Variants in DRC8 observed in about 807,000 individuals in gnomAD.
The protein encoded by DRC8 is dynein regulatory complex subunit 8.
At chr1:244,985,137 A>T in the DRC8 span, among the ~76,000 whole-genome samples, 1 of 146,110 alleles carries the variant, frequency 6.8e-6, no homozygotes, top group South Asian at 2.1e-4. Flanking sequence ...CGCATTCTAC[A>T]CTTCATTATA....
chr1:245,010,156 C>T, the DRC8 span, among the ~76,000 whole-genome samples: 1 of 152,186 alleles, frequency 6.6e-6, no homozygotes. Context: ...CCACCGCTCC[C>T]GACCTCTCAT....
the DRC8 span, among the ~76,000 whole-genome samples, chr1:245,094,337 C>A: frequency 3.3e-5 from 5 of 152,114 alleles, no homozygotes; most frequent in Non-Finnish European, 2.9e-5. Context: ...TTTTTAGGAA[C>A]TTTTTAAGCC....
chr1:244,999,889 G>A, the DRC8 span, among the ~76,000 whole-genome samples: 5 of 152,064 alleles, frequency 3.3e-5, no homozygotes, highest in Non-Finnish European at 5.9e-5. Context: ...TTGGATCTCC[G>A]CCCACTGCAA....
At chr1:245,056,469 A>G in the DRC8 span, among the ~76,000 whole-genome samples, 7,893 of 152,234 alleles carry the variant, frequency 0.052, 288 homozygotes, top group Non-Finnish European at 0.071. Context: ...TCTGTTGCTG[A>G]CACAGCACAG....
At chr1:245,118,506 A>G in the DRC8 span, among the ~76,000 whole-genome samples, 2 of 152,192 alleles carry the variant, frequency 1.3e-5, no homozygotes, top group Non-Finnish European at 2.9e-5. Context: ...AAACAATGAC[A>G]GTAAGCCGGG....
chr1:245,002,786 T>A, the DRC8 span, among the ~76,000 whole-genome samples: 1 of 151,772 alleles, frequency 6.6e-6, no homozygotes, highest in Admixed American at 6.6e-5. Context: ...TGAATTATTT[T>A]TAAGTAAGAG....
At chr1:245,108,650 T>C in the DRC8 span, among the ~76,000 whole-genome samples, 1 of 152,206 alleles carries the variant, frequency 6.6e-6, no homozygotes, top group Admixed American at 6.5e-5. Context: ...AATGTTGTGC[T>C]GGTCTCTCAT....
chr1:245,110,493 A>G, the DRC8 span, among the ~76,000 whole-genome samples: 5 of 152,276 alleles, frequency 3.3e-5, no homozygotes, highest in African/African-American at 1.2e-4. Flanking sequence ...CTTCTTAAAT[A>G]AGACAGGACC....
the DRC8 span, among the ~76,000 whole-genome samples, chr1:245,036,828 G>A: frequency 6.6e-6 from 1 of 152,180 alleles, no homozygotes; most frequent in Non-Finnish European, 1.5e-5. Flanking sequence ...GGAGGTAAGG[G>A]GAGGGAGGGA....
chr1:244,977,423 A>G, the DRC8 span, among the ~76,000 whole-genome samples: 1 of 152,184 alleles, frequency 6.6e-6, no homozygotes, highest in African/African-American at 2.4e-5. Context: ...GGTGGCTCAC[A>G]TCTGTAAACT....
At chr1:245,029,676 A>C in the DRC8 span, among the ~76,000 whole-genome samples, 1 of 149,922 alleles carries the variant, frequency 6.7e-6, no homozygotes, top group Non-Finnish European at 1.5e-5. Flanking sequence ...GCTCACTGCA[A>C]CCTTCATCTC....
chr1:245,035,920 T>C, the DRC8 span, among the ~76,000 whole-genome samples: 1 of 150,292 alleles, frequency 6.7e-6, no homozygotes, highest in African/African-American at 2.4e-5. Flanking sequence ...AATAAAGAGC[T>C]AAAATCGTAA....
At chr1:245,059,396 A>T in the DRC8 span, 2 of 1,610,724 alleles carry the variant, frequency 1.2e-6, no homozygotes, top group South Asian at 2.2e-5. Context: ...AGAGATTGGA[A>T]CAATTATCAG....
At chr1:245,091,932 T>G in the DRC8 span, 1 of 152,270 alleles carries the variant, frequency 6.6e-6, no homozygotes, top group Non-Finnish European at 1.5e-5. Flanking sequence ...GCAGGAAGTT[T>G]GCTTACCCTC....
the DRC8 span, among the ~76,000 whole-genome samples, chr1:245,015,013 A>G: frequency 3.9e-5 from 6 of 152,326 alleles, no homozygotes; most frequent in African/African-American, 1.4e-4. Flanking sequence ...CCTATTTTCT[A>G]CTATTGGGTG....
At chr1:245,103,678 C>A in the DRC8 span, among the ~76,000 whole-genome samples, 1 of 151,732 alleles carries the variant, frequency 6.6e-6, no homozygotes, top group Non-Finnish European at 1.5e-5. Context: ...CAGTCCTCCA[C>A]CCTGTGAGGC....
chr1:245,123,153 C>G, the DRC8 span: 1 of 152,164 alleles, frequency 6.6e-6, no homozygotes, highest in African/African-American at 2.4e-5. This position sits in a 1 kb window ranked among gnomAD's most constrained non-coding sequence, Gnocchi z 5.0. Flanking sequence ...GATTACAGTT[C>G]CAGCAGTCAA....
At chr1:245,111,027 C>T in the DRC8 span, among the ~76,000 whole-genome samples, 50 of 152,054 alleles carry the variant, frequency 3.3e-4, no homozygotes, top group Non-Finnish European at 4.1e-4. Context: ...TAAAAAAAAA[C>T]TACATGTGCA....
At chr1:245,100,123 G>A in the DRC8 span, among the ~76,000 whole-genome samples, 14 of 152,188 alleles carry the variant, frequency 9.2e-5, no homozygotes, top group Admixed American at 2.6e-4. Flanking sequence ...GGTGGCTCAC[G>A]CCTGTAATCC....
Sources: allele counts gnomAD v4.1 joint callset (sites outside exome capture counted in the v4.1 genomes callset), GRCh38; gene constraint gnomAD v4.1.1; non-coding constraint Gnocchi (gnomAD v3.1); transcripts MANE v1.5; gene names NCBI Gene and HGNC (gene_info 2026-07-23, HGNC 2026-07-21).